EXOC4: variants seen among roughly 807,000 people sequenced by gnomAD.
EXOC4 encodes exocyst complex component 4.
Under a neutral mutation model 107.2 loss-of-function variants are expected in EXOC4, and 71 were observed. The observed-to-expected ratio is 0.66, with a 90% CI of 0.55 to 0.81. EXOC4 has a LOEUF of 0.81. EXOC4 is among the 30% of genes least tolerant of loss of function. EXOC4 has a pLI of 0.00. For synonymous variants in EXOC4, 456 were observed against 441.2 expected, an observed-to-expected ratio of 1.03 and a Z score of -0.42; for missense variants, 1,108 against 1,189.6, an observed-to-expected ratio of 0.93 and a Z score of 1.01.
At chr7:133,412,103 T>C (rs900942403) in intron 7 of EXOC4, among the ~76,000 whole-genome samples, 2 of 152,018 alleles carry the variant, frequency 1.3e-5, no homozygotes, top group African/African-American at 4.8e-5. Context: ...TAAATAATAA[T>C]CACTTGTCTA....
intron 10 of EXOC4, among the ~76,000 whole-genome samples, chr7:133,724,463 A>AT (rs1795174188): frequency 6.6e-6 from 1 of 152,032 alleles, no homozygotes; most frequent in South Asian, 2.1e-4. Context: ...AATATTTTTT[A>AT]TTTTTTTCAA....
At chr7:133,888,991 T>C (rs1799146958) in intron 11 of EXOC4, among the ~76,000 whole-genome samples, 1 of 152,252 alleles carries the variant, frequency 6.6e-6, no homozygotes, top group African/African-American at 2.4e-5. Context: ...ATGATTATTA[T>C]GTGAGTCTCA....
intron 13 of EXOC4, among the ~76,000 whole-genome samples, chr7:133,918,005 CAG>C (rs1176182783): frequency 6.8e-6 from 1 of 146,158 alleles, no homozygotes; most frequent in African/African-American, 2.5e-5. Context: ...TTTTTTGAGA[CAG>C]AGTCTCACTC....
At chr7:133,473,562 A>G (rs761815881) in intron 7 of EXOC4, among the ~76,000 whole-genome samples, 8 of 151,954 alleles carry the variant, frequency 5.3e-5, no homozygotes, top group Non-Finnish European at 1.2e-4. Flanking sequence ...CTTAAAGTCT[A>G]TTTTGTCTGG....
At chr7:133,355,846 T>A (rs1374566261) in intron 5 of EXOC4, among the ~76,000 whole-genome samples, 1 of 152,168 alleles carries the variant, frequency 6.6e-6, no homozygotes, top group Admixed American at 6.5e-5. Context: ...TTAATCTTTT[T>A]AAAAAATTTA....
the EXOC4 span, among the ~76,000 whole-genome samples, chr7:134,073,473 T>G: frequency 6.6e-6 from 1 of 151,898 alleles, no homozygotes. Context: ...GCCAGCATAT[T>G]ATGTGCATCT....
intron 10 of EXOC4, among the ~76,000 whole-genome samples, chr7:133,808,840 C>T (rs1042248446): frequency 2.0e-5 from 3 of 151,946 alleles, no homozygotes; most frequent in African/African-American, 7.3e-5. Context: ...TCCATGATTT[C>T]CCTTAGAGTG....
chr7:133,855,103 A>ATCT (rs1798334093), intron 11 of EXOC4, among the ~76,000 whole-genome samples: 1 of 97,618 alleles, frequency 1.0e-5, no homozygotes, highest in African/African-American at 5.2e-5. Context: ...ATATATATAT[A>ATCT]AATATATATA....
At chr7:133,507,951 TCAGGAGGCCAAGG>T (rs1799696504) in intron 9 of EXOC4, among the ~76,000 whole-genome samples, 1 of 151,796 alleles carries the variant, frequency 6.6e-6, no homozygotes, top group African/African-American at 2.4e-5. Context: ...ATCCAGCTAC[TCAGGAGGCCAAGG>T]CAGGAGAATC....
At chr7:134,016,079 C>T (rs562585501) in intron 17 of EXOC4, among the ~76,000 whole-genome samples, 9 of 152,150 alleles carry the variant, frequency 5.9e-5, no homozygotes, top group Admixed American at 3.9e-4. Context: ...AGCCAGATCA[C>T]ACTACAGTCA....
intron 11 of EXOC4, among the ~76,000 whole-genome samples, chr7:133,827,223 G>A (rs541659108): frequency 8.5e-5 from 13 of 152,220 alleles, no homozygotes; most frequent in South Asian, 8.3e-4. Flanking sequence ...ACTTGTCCTC[G>A]TAACTGTTGA....
intron 10 of EXOC4, among the ~76,000 whole-genome samples, chr7:133,761,956 C>T (rs1029706723): frequency 2.0e-5 from 3 of 152,240 alleles, no homozygotes; most frequent in African/African-American, 4.8e-5. Context: ...GAAGATGGCA[C>T]GTGGAGAGTC....
chr7:133,329,233 T>C (rs1795321193), intron 5 of EXOC4, among the ~76,000 whole-genome samples: 1 of 152,222 alleles, frequency 6.6e-6, no homozygotes, highest in African/African-American at 2.4e-5. Context: ...TTGTGTATGC[T>C]TCACAAAGTT....
rs147965418 is a variant in EXOC4, at chr7:133,985,641, A to G, written c.2207-11851A>G. On this transcript the variant is annotated intron_variant, in intron 14 of 17. Transcript: ENST00000253861. Reference sequence around the variant, plus strand: ...TTAACCTTCTCTTTGTTCTTTGGACATGTCACAAACCACCCATTCTCTGTG... The same window carrying G: ...TTAACCTTCTCTTTGTTCTTTGGACGTGTCACAAACCACCCATTCTCTGTG... 4.7e-3 allele frequency among the ~76,000 whole-genome samples: 712 copies of G among 152,360 alleles called. 2 individuals are homozygous for G. Among genetic ancestry groups the G allele is most frequent in the Middle Eastern group, 0.017 (5 of 294 alleles).
intron 11 of EXOC4, among the ~76,000 whole-genome samples, chr7:133,822,639 T>G (rs1797549488): frequency 6.6e-6 from 1 of 152,162 alleles, no homozygotes. Flanking sequence ...CTTATACCAG[T>G]GCAAAAGCAA....
At chr7:133,579,950 C>T (rs889682573) in intron 9 of EXOC4, among the ~76,000 whole-genome samples, 12 of 152,190 alleles carry the variant, frequency 7.9e-5, no homozygotes, top group Admixed American at 6.5e-5. Flanking sequence ...CCGCCTTGGC[C>T]TCCCAAAGTG....
chr7:133,328,833 C>T (rs1795310910), intron 5 of EXOC4, among the ~76,000 whole-genome samples: 1 of 152,244 alleles, frequency 6.6e-6, no homozygotes, highest in African/African-American at 2.4e-5. Context: ...CAGCCTTTCT[C>T]TCGGGCTGCC....
intron 4 of EXOC4, 34 bp downstream of exon 4, chr7:133,306,095 G>A: frequency 6.4e-7 from 1 of 1,550,856 alleles, no homozygotes; most frequent in Non-Finnish European, 8.8e-7. Flanking sequence ...GTGTCTTGTG[G>A]CAGTGTAGGA....
At chr7:133,494,646 A>G (rs999055311) in intron 9 of EXOC4, among the ~76,000 whole-genome samples, 3 of 152,216 alleles carry the variant, frequency 2.0e-5, no homozygotes, top group Admixed American at 6.5e-5. Flanking sequence ...GTGGTTGACT[A>G]TCATTTCTAA....
Sources: gnomAD v4.1 joint callset for allele counts (sites outside exome capture counted in the v4.1 genomes callset) on GRCh38, gnomAD v4.1.1 for gene constraint, MANE v1.5 for transcripts, NCBI Gene and HGNC (gene_info 2026-07-23, HGNC 2026-07-21) for gene names.